CNTN1: variants seen among roughly 807,000 people sequenced by gnomAD.
CNTN1 encodes the protein contactin 1, also known as contactin-1.
Under a neutral mutation model 126.4 loss-of-function variants are expected in CNTN1, and 38 were observed. The observed-to-expected ratio is 0.30, with a 90% confidence interval of 0.23 to 0.39. The LOEUF (loss-of-function observed/expected upper bound fraction) is 0.39, where lower values mean the gene tolerates loss of function less well. Ranked by LOEUF, CNTN1 falls within the 10% of genes least tolerant of loss-of-function variation. The pLI is 1.00. For synonymous variants in CNTN1, 413 were observed against 422.6 expected (o/e 0.98, Z 0.28); for missense variants, 1,009 against 1,248.4 (o/e 0.81, Z 2.89).
At chr12:41,050,229 T>G (rs1949641241) in intron 23 of CNTN1, among the ~76,000 whole-genome samples, 1 of 152,206 alleles carries the variant, frequency 6.6e-6, no homozygotes, top group Non-Finnish European at 1.5e-5. Flanking sequence ...TATAAATTTA[T>G]GTATGTTTTT....
intron 1 of CNTN1, among the ~76,000 whole-genome samples, chr12:40,886,176 C>G (rs1159060905): frequency 6.6e-6 from 1 of 151,986 alleles, no homozygotes; most frequent in Non-Finnish European, 1.5e-5. Context: ...GTTGTAAATA[C>G]AATTTTTGCT....
rs187974814 is a variant in CNTN1 at position 40,985,718 on chromosome 12, T to C, written c.1963+4651T>C. ...GGCTTCTTGTATTCTTAGGTTGATA[T>C]TTTCTTCAACTTTGGAAAATTCTTA... On this transcript the variant is annotated intron_variant, in intron 16 of 23. Coordinates refer to ENST00000551295, the MANE Select transcript of CNTN1 (RefSeq NM_001843.4). 7.2e-5 allele frequency among the ~76,000 whole-genome samples: 11 copies of C among 152,324 alleles called. No individual in the cohort carries two copies. In the East Asian group the frequency reaches 2.1e-3, roughly 29 times the overall value.
chr12:40,924,865 C>A (rs1416783839), intron 6 of CNTN1, among the ~76,000 whole-genome samples: 1 of 73,566 alleles, frequency 1.4e-5, no homozygotes, highest in Non-Finnish European at 2.9e-5. Context: ...GATCTCTAAT[C>A]ATTTTAGTTT....
chr12:41,067,012 A>AATTATG (rs1260861900), intron 23 of CNTN1, among the ~76,000 whole-genome samples: 4 of 152,208 alleles, frequency 2.6e-5, no homozygotes, highest in African/African-American at 9.7e-5. Flanking sequence ...TAAGTACCAG[A>AATTATG]ATTATGATTG....
intron 1 of CNTN1, among the ~76,000 whole-genome samples, chr12:40,790,569 C>T (rs1429254769): frequency 6.6e-6 from 1 of 152,096 alleles, no homozygotes; most frequent in Non-Finnish European, 1.5e-5. Context: ...TGCCTTCTCA[C>T]TGCTGTCCAG....
chr12:40,949,032 G>A (rs766820297), intron 14 of CNTN1, among the ~76,000 whole-genome samples: 6 of 152,022 alleles, frequency 3.9e-5, no homozygotes, highest in South Asian at 4.2e-4. Context: ...TCACCCAAAC[G>A]TTATTTTCCT....
At chr12:40,884,763 C>G (rs1232778520) in intron 1 of CNTN1, among the ~76,000 whole-genome samples, 1 of 151,420 alleles carries the variant, frequency 6.6e-6, no homozygotes, top group Non-Finnish European at 1.5e-5. Flanking sequence ...TTATAATAGT[C>G]TTTCATATAT....
chr12:40,806,846 A>T (rs1049004181), intron 1 of CNTN1, among the ~76,000 whole-genome samples: 3 of 151,916 alleles, frequency 2.0e-5, no homozygotes, highest in Admixed American at 2.0e-4. Context: ...TCCCTTTTTG[A>T]CTTATGGGTT....
At chr12:40,716,483 T>C (rs1178484178) in intron 1 of CNTN1, among the ~76,000 whole-genome samples, 2 of 152,184 alleles carry the variant, frequency 1.3e-5, no homozygotes, top group Non-Finnish European at 2.9e-5. Flanking sequence ...GAAAGTCCCA[T>C]GTAAGGAGGA....
chr12:40,721,666 G>C (rs1007121868), intron 1 of CNTN1, among the ~76,000 whole-genome samples: 1 of 143,520 alleles, frequency 7.0e-6, no homozygotes, highest in Admixed American at 6.9e-5. Flanking sequence ...TCGTCATTTA[G>C]CATTAGGTAT....
chr12:41,035,171 TTTAG>T (rs1949228396), intron 23 of CNTN1, among the ~76,000 whole-genome samples: 1 of 152,334 alleles, frequency 6.6e-6, no homozygotes, highest in South Asian at 2.1e-4. Flanking sequence ...ATTTTGCTCA[TTTAG>T]TTAGACTCAG....
chr12:40,975,302 T>A (rs549049451), intron 15 of CNTN1, among the ~76,000 whole-genome samples: 1 of 151,354 alleles, frequency 6.6e-6, no homozygotes, highest in East Asian at 1.9e-4. Flanking sequence ...GTGCATGATT[T>A]AATTGTAAAA....
chr12:40,969,832 A>G lies in CNTN1; in HGVS notation c.1804+10598A>G, dbSNP rs560426067. ...CTTTGAATCCACTTTATCCTTTGGG[A>G]AAAAAATGCAGAAACTTCTGAATTC... is the stretch of plus-strand genomic sequence containing the variant. On this transcript the variant is annotated intron_variant, in intron 15 of 23. Coordinates refer to ENST00000551295, the MANE Select transcript of CNTN1 (RefSeq NM_001843.4). 2.8e-3 allele frequency among the ~76,000 whole-genome samples: 430 copies of G among 151,952 alleles called. 3 individuals are homozygous for G. The highest frequency in any genetic ancestry group is 3.0e-3 in the Non-Finnish European group (206 of 67,994).
intron 1 of CNTN1, among the ~76,000 whole-genome samples, chr12:40,877,873 A>G (rs561290756): frequency 9.9e-5 from 15 of 150,864 alleles, no homozygotes; most frequent in East Asian, 3.9e-4. Flanking sequence ...TTATTTTTCC[A>G]CTTCTGCCTA....
chr12:40,852,681 G>A lies in CNTN1; in HGVS notation c.-76-55676G>A, dbSNP rs548290043. On this transcript the variant is annotated intron_variant, in intron 1 of 23. Coordinates refer to ENST00000551295, the MANE Select transcript of CNTN1 (RefSeq NM_001843.4). ...AGAAATGAGGAAGAACAATATTTGC[G>A]TTCCATCACTATGCCTAGAAAACCT... is the stretch of plus-strand genomic sequence containing the variant. Among the ~76,000 whole-genome samples, 19 of 151,758 alleles carry A rather than the reference G, an allele frequency of 1.3e-4. No homozygotes were observed. In the South Asian group the frequency reaches 1.9e-3, roughly 15 times the overall value.
At chr12:40,821,940 C>A (rs57874154) in intron 1 of CNTN1, among the ~76,000 whole-genome samples, 3,408 of 151,678 alleles carry the variant, frequency 0.022, 124 homozygotes, top group African/African-American at 0.078. Context: ...ATTGATATTT[C>A]AAGCATTTAG....
intron 5 of CNTN1, 104 bp from the exon 6 acceptor site, chr12:40,924,453 C>T: frequency 1.4e-6 from 1 of 703,490 alleles, no homozygotes; most frequent in Non-Finnish European, 2.6e-6. Flanking sequence ...CTGAGAAGTG[C>T]TGTATCTCAC....
At chr12:40,991,774 G>A (rs1948102191) in intron 16 of CNTN1, among the ~76,000 whole-genome samples, 1 of 152,216 alleles carries the variant, frequency 6.6e-6, no homozygotes, top group African/African-American at 2.4e-5. Context: ...CTTGCAGTAA[G>A]CAGAGATCAC....
chr12:40,908,115 T>G (rs1236737048), intron 1 of CNTN1, among the ~76,000 whole-genome samples: 1 of 152,234 alleles, frequency 6.6e-6, no homozygotes, highest in Non-Finnish European at 1.5e-5. Context: ...GGATGTCAGC[T>G]GAAGCCTTCT....
Sources: gnomAD v4.1 joint callset for allele counts (sites outside exome capture counted in the v4.1 genomes callset) on GRCh38, gnomAD v4.1.1 for gene constraint, MANE v1.5 for transcripts, NCBI Gene and HGNC (gene_info 2026-07-23, HGNC 2026-07-21) for gene names.